UBE3A: variants seen among roughly 807,000 people sequenced by gnomAD.
The protein encoded by UBE3A is ubiquitin-protein ligase E3A.
Under a neutral mutation model 83.4 loss-of-function variants are expected in UBE3A, and 6 were observed. The observed-to-expected ratio is 0.07, with a 90% CI of 0.04 to 0.14. The LOEUF is 0.14. UBE3A is among the 10% of genes least tolerant of loss of function. UBE3A has a pLI of 1.00. For synonymous variants in UBE3A, 337 were observed against 355.4 expected, an observed-to-expected ratio of 0.95 and a Z score of 0.58; for missense variants, 456 against 1,036.1, an observed-to-expected ratio of 0.44 and a Z score of 7.69.
Position 25,371,911 on chromosome 15 carries a change from G to A in UBE3A, c.362-99C>T. ...AAAGTAAAACAGCCAAACATTCTAG[G>A]CTCAATATCATTTATGATATACAAC... On this transcript the variant is annotated intron_variant, in intron 5 of 12. Transcript: ENST00000648336. This position sits in a 1 kb window ranked among gnomAD's most constrained non-coding sequence, Gnocchi z 5.3. 8.6e-7 allele frequency: 1 copy of A among 1,168,874 alleles called. No homozygotes were observed. The highest frequency in any genetic ancestry group is 1.2e-6 in the Non-Finnish European group (1 of 840,092). The allele number at this position is 1,168,874 out of a possible 1,614,324, so 72.4% of individuals were successfully genotyped here. A position where few individuals can be genotyped will look rare whatever the true frequency, so the allele number is the denominator to read the frequency against.
intron 1 of UBE3A, among the ~76,000 whole-genome samples, chr15:25,434,443 C>T (rs1567209447): frequency 6.6e-6 from 1 of 152,124 alleles, no homozygotes; most frequent in Non-Finnish European, 1.5e-5. Flanking sequence ...TTACAAAGGA[C>T]TTATTTATAT....
intron 4 of UBE3A, among the ~76,000 whole-genome samples, chr15:25,398,770 TTTATATATATATATA>T: frequency 1.2e-5 from 1 of 83,628 alleles, no homozygotes; most frequent in African/African-American, 4.7e-5. Context: ...TATTCTTTTA[TTTATATATATATATA>T]TATATATATA....
In UBE3A at chr15:25,367,255, T is replaced by TTGTAAATA. The variant is rs1249452207; in HGVS notation, c.1608+3303_1608+3310dup. Among the ~76,000 whole-genome samples, 40 of 79,488 alleles carry TTGTAAATA rather than the reference T, an allele frequency of 5.0e-4. 2 individuals carry two copies. The highest frequency in any genetic ancestry group is 2.8e-3 in the African/African-American group (37 of 13,424). 52.1% of individuals were successfully genotyped at this position (79,488 alleles called of 152,430 possible). A position where few individuals can be genotyped will look rare whatever the true frequency, so the allele number is the denominator to read the frequency against. On this transcript the variant is annotated intron_variant, in intron 6 of 12. Transcript: ENST00000648336. ...TGTAAATATGTAAATATTTGCATAT[T>TTGTAAATA]TGTAAATATGTAAATATTTACATAT...
At chr15:25,368,890 T>C (rs188181887) in intron 6 of UBE3A, among the ~76,000 whole-genome samples, 2 of 152,178 alleles carry the variant, frequency 1.3e-5, no homozygotes, top group Admixed American at 6.5e-5. Flanking sequence ...ATAAGGAAGG[T>C]AGACAATTTT....
intron 6 of UBE3A, among the ~76,000 whole-genome samples, chr15:25,364,799 G>A (rs1212562164): frequency 5.3e-5 from 8 of 151,804 alleles, no homozygotes; most frequent in East Asian, 1.9e-4. Context: ...GCCTGCCACC[G>A]CGCCTGGCTA....
At chr15:25,428,782 T>C (rs1432052028) in intron 1 of UBE3A, among the ~76,000 whole-genome samples, 4 of 152,164 alleles carry the variant, frequency 2.6e-5, no homozygotes, top group African/African-American at 4.8e-5. Context: ...ATGCTAGAAA[T>C]GCCCACATAA....
chr15:25,407,306 A>G (rs2153060621), intron 3 of UBE3A: 1 of 1,028,578 alleles, frequency 9.7e-7, no homozygotes, highest in Non-Finnish European at 1.2e-6. Flanking sequence ...ACACGTAGGC[A>G]GCAAAACTTT....
intron 4 of UBE3A, among the ~76,000 whole-genome samples, chr15:25,381,204 A>G (rs1176203983): frequency 3.9e-5 from 6 of 152,192 alleles, no homozygotes; most frequent in African/African-American, 1.4e-4. Flanking sequence ...TTTGTGTTCA[A>G]TGTTTTTTTA....
intron 4 of UBE3A, among the ~76,000 whole-genome samples, chr15:25,399,218 C>T (rs938217647): frequency 6.6e-6 from 1 of 151,890 alleles, no homozygotes; most frequent in African/African-American, 2.4e-5. Context: ...TGATCTCATT[C>T]ATCAATTTTT....
intron 1 of UBE3A, chr15:25,415,647 A>C (rs1470336212): frequency 6.6e-6 from 1 of 152,092 alleles, no homozygotes; most frequent in Non-Finnish European, 1.5e-5. Flanking sequence ...TTCATGTCTT[A>C]TTATACATTC....
chr15:25,436,535 A>G (rs1432405404), intron 1 of UBE3A, among the ~76,000 whole-genome samples: 1 of 152,204 alleles, frequency 6.6e-6, no homozygotes, highest in Non-Finnish European at 1.5e-5. Context: ...CAGTTTACAC[A>G]GTAAATTTTT....
At chr15:25,358,060 C>CT (rs1200835886) in intron 7 of UBE3A, among the ~76,000 whole-genome samples, 1 of 151,922 alleles carries the variant, frequency 6.6e-6, no homozygotes, top group East Asian at 1.9e-4. Flanking sequence ...GCGTGGAGGC[C>CT]TTTTTTATAT....
chr15:25,334,973 G>C lies in UBE3A; in HGVS notation c.*4164C>G, dbSNP rs1482113944. The C allele has an allele frequency of 1.3e-5, 2 of 150,758 alleles. No homozygotes were observed. Among genetic ancestry groups the C allele is most frequent in the Non-Finnish European group, 1.5e-5 (1 of 67,916 alleles). The allele number at this position is 150,758 out of a possible 1,614,324, so 9.3% of individuals were successfully genotyped here. On this transcript the variant is annotated 3_prime_UTR_variant, in exon 13 of 13. Coordinates refer to ENST00000648336, the MANE Select transcript of UBE3A (RefSeq NM_130839.5). The stretch of plus-strand genomic sequence containing the variant: ...AACAGAAAGATGGAGGTAATAACAT[G>C]TGAAAGGCAAAATGGTTTGTTTTTT...
chr15:25,406,839 G>C (rs1298311964), intron 3 of UBE3A, among the ~76,000 whole-genome samples: 2 of 132,130 alleles, frequency 1.5e-5, no homozygotes, highest in Non-Finnish European at 3.2e-5. Flanking sequence ...CAGATTCCAA[G>C]GACAAGAATG....
rs988648704 is a variant in UBE3A at position 25,419,424 on chromosome 15, G to A, written c.-164-7453C>T. 1.1e-4 allele frequency: 16 copies of A among 152,086 alleles called. 1 individual carries two copies. Among genetic ancestry groups the A allele is most frequent in the African/African-American group, 3.9e-4 (16 of 41,508 alleles). 9.4% of individuals were successfully genotyped at this position (152,086 alleles called of 1,614,324 possible). On this transcript the variant is annotated intron_variant, in intron 1 of 12. Transcript: ENST00000648336. ...GTCTGTGTGGTTTGAAAAATTGTACGATAAAATGAAGAGTGAAATAAAGAC... is the reference window on the plus strand; with the variant it reads ...GTCTGTGTGGTTTGAAAAATTGTACAATAAAATGAAGAGTGAAATAAAGAC...
intron 7 of UBE3A, among the ~76,000 whole-genome samples, chr15:25,357,802 C>T (rs1224932695): frequency 2.0e-5 from 3 of 151,032 alleles, no homozygotes. Context: ...CAAAGCTATT[C>T]AATACACATG....
chr15:25,371,616 A>C lies in UBE3A; in HGVS notation c.558T>G (p.Asp186Glu). Reference protein sequence around the residue: ...KSLQAKDEDKDEDEKEKAACS... With the variant: ...KSLQAKDEDKEEDEKEKAACS... Reference sequence around the variant, plus strand: ...ATGCAGCTTTTTCCTTTTCATCTTCATCTTTGTCTTCATCTTTTGCTTGAA... The same window carrying C: ...ATGCAGCTTTTTCCTTTTCATCTTCCTCTTTGTCTTCATCTTTTGCTTGAA... The change falls in exon 6 of 13, where the codon GAT becomes GAG. Residue 186 changes from aspartate to glutamate, a missense_variant. Asp to Glu is a conservative substitution (Grantham distance 45). Transcript: ENST00000648336. This position sits in a 1 kb window ranked among gnomAD's most constrained non-coding sequence, Gnocchi z 5.3. 1 of 1,613,956 alleles carries C rather than the reference A, an allele frequency of 6.2e-7. No individual in the cohort carries two copies. Among genetic ancestry groups the C allele is most frequent in the Non-Finnish European group, 8.5e-7 (1 of 1,179,988 alleles).
chr15:25,386,478 A>C (rs924744019), intron 4 of UBE3A, among the ~76,000 whole-genome samples: 12 of 152,222 alleles, frequency 7.9e-5, no homozygotes, highest in African/African-American at 2.9e-4. Context: ...AAAAGTAGAG[A>C]TGAAAATCCT....
chr15:25,406,784 C>T (rs375919061), intron 3 of UBE3A, among the ~76,000 whole-genome samples: 1 of 148,604 alleles, frequency 6.7e-6, no homozygotes, highest in South Asian at 2.2e-4. Flanking sequence ...AACAACCCCT[C>T]ACTTCTTTAT....
Sources: allele counts gnomAD v4.1 joint callset (sites outside exome capture counted in the v4.1 genomes callset), GRCh38; gene constraint gnomAD v4.1.1; non-coding constraint Gnocchi (gnomAD v3.1); transcripts MANE v1.5; gene names NCBI Gene and HGNC (gene_info 2026-07-23, HGNC 2026-07-21).